TMEM127: variants seen among roughly 807,000 people sequenced by gnomAD.
TMEM127 encodes transmembrane protein 127.
TMEM127 carries 21 observed loss-of-function variants against 20.1 expected under a neutral mutation model. The observed-to-expected ratio is 1.04, with a 90% CI of 0.74 to 1.50. The LOEUF is 1.50. Ranked by LOEUF, TMEM127 falls within the 40% of genes most tolerant of loss-of-function variation. The pLI, the probability that TMEM127 is intolerant of heterozygous loss-of-function variation, is 0.00. For missense variants in TMEM127, 303 were observed against 317.4 expected (o/e 0.95, Z 0.34); for synonymous variants, 150 against 144.7 (o/e 1.04, Z -0.26).
At position 96,255,119 on chromosome 2, in the gene TMEM127, G is replaced by A. The variant is rs920504318; in HGVS notation, c.245-122C>T. 1.5e-5 allele frequency: 21 copies of A among 1,364,188 alleles called. No individual in the cohort carries two copies. In the Admixed American group the frequency reaches 2.0e-4, roughly 13 times the overall value. The allele number at this position is 1,364,188 out of a possible 1,614,324, so 84.5% of individuals were successfully genotyped here. A position where few individuals can be genotyped will look rare whatever the true frequency, so the allele number is the denominator to read the frequency against. On this transcript the variant is annotated intron_variant, in intron 2 of 3. Transcript: ENST00000258439. ...GGGAGCCAGGGCAGTTCTGGAGGAC[G>A]CTGTCTTAGCCCCTGCTCCTGGGTG...
chr2:96,258,595 G>A (rs1684255561), intron 2 of TMEM127, among the ~76,000 whole-genome samples: 1 of 152,150 alleles, frequency 6.6e-6, no homozygotes, highest in Non-Finnish European at 1.5e-5. Context: ...ATCCAGCCTG[G>A]GTAACTGTCT....
At chr2:96,257,868 T>C (rs539532051) in intron 2 of TMEM127, among the ~76,000 whole-genome samples, 5 of 151,972 alleles carry the variant, frequency 3.3e-5, no homozygotes, top group Admixed American at 6.5e-5. Context: ...TGAGCCAAGA[T>C]CACATCACTG....
rs1249001227 is a variant in TMEM127, at chr2:96,265,333, T to C, written c.49A>G (p.Ser17Gly). 9 of 1,516,882 alleles carry C rather than the reference T, an allele frequency of 5.9e-6. No individual in the cohort carries two copies. The Admixed American group carries it at 1.8e-4, about 31-fold the overall frequency. 94.0% of individuals were successfully genotyped at this position (1,516,882 alleles called of 1,614,324 possible). A position where few individuals can be genotyped will look rare whatever the true frequency, so the allele number is the denominator to read the frequency against. The stretch of plus-strand genomic sequence containing the variant: ...TTGGGCAGAGCGCTGCCTCCCGGGC[T>C]CCTCCGCCGGCGCCCGCCGGGCAGC... ...AGLPGGRRRR[S>G]PGGSALPKQP... Residue 17 changes from serine to glycine, a missense_variant, in exon 2 of 4, where the codon AGC becomes GGC. Coordinates refer to ENST00000258439, the MANE Select transcript of TMEM127 (RefSeq NM_017849.4).
chr2:96,252,850 C>T lies in TMEM127; in HGVS notation c.*958G>A, dbSNP rs1219982034. 2 of 233,804 alleles carry T rather than the reference C, an allele frequency of 8.6e-6. No homozygotes were observed. Among genetic ancestry groups the T allele is most frequent in the Non-Finnish European group, 1.7e-5 (2 of 118,318 alleles). 14.5% of individuals were successfully genotyped at this position (233,804 alleles called of 1,614,324 possible). A position where few individuals can be genotyped will look rare whatever the true frequency, so the allele number is the denominator to read the frequency against. Reference sequence around the variant, plus strand: ...CCACGAGAAGGCCCCAGGGAGTCACCGTCACTGAGAGGGAAGGGGCCAGGG... The same window carrying T: ...CCACGAGAAGGCCCCAGGGAGTCACTGTCACTGAGAGGGAAGGGGCCAGGG... On this transcript the variant is annotated 3_prime_UTR_variant, in exon 4 of 4. Transcript: ENST00000258439. This position sits in a 1 kb window ranked among gnomAD's most constrained non-coding sequence, Gnocchi z 4.2.
intron 2 of TMEM127, among the ~76,000 whole-genome samples, chr2:96,262,151 C>T (rs1684323093): frequency 6.6e-6 from 1 of 151,672 alleles, no homozygotes; most frequent in Admixed American, 6.6e-5. Flanking sequence ...TCCAACTACT[C>T]GTGAGGCTGA....
rs1485424649 is a variant in TMEM127, at chr2:96,253,883, C to A, written c.642G>T (p.Met214Ile). The A allele has an allele frequency of 1.9e-6, 3 of 1,614,018 alleles. No homozygotes were observed. The highest frequency in any genetic ancestry group is 2.7e-5 in the African/African-American group (2 of 74,906). ...CCGCCGGGTAGGGCTCGTTCTCTTC[C>A]ATCTCTGAGAGCAGCTCCAGCGCCT... ...EEQALELLSE[M>I]EENEPYPAEY... The change falls in exon 4 of 4, where the codon ATG (methionine) becomes ATT (isoleucine). Residue 214 changes from methionine to isoleucine, a missense_variant. Coordinates refer to ENST00000258439, the MANE Select transcript of TMEM127 (RefSeq NM_017849.4). This position sits in a 1 kb window ranked among gnomAD's most constrained non-coding sequence, Gnocchi z 4.3.
chr2:96,265,124 C>T lies in TMEM127; in HGVS notation c.244+14G>A. 1.2e-6 allele frequency: 2 copies of T among 1,612,072 alleles called. No homozygotes were observed. The highest frequency in any genetic ancestry group is 1.7e-6 in the Non-Finnish European group (2 of 1,179,750). On this transcript the variant is annotated intron_variant, in intron 2 of 3. Transcript: ENST00000258439. ...CCCACCGAGGCTTTAAGGGCCAGCG[C>T]GCAGCACCCTCACCTTTCAGCAGGT...
At position 96,251,139 on chromosome 2, in the gene TMEM127, T is replaced by C. The variant is rs2104275017; in HGVS notation, c.*2669A>G. ...GTTCTAGAAAGACCTAGAAACTTCC[T>C]GTGTGAAAACAGGATTAGGAAGCTC... is the stretch of plus-strand genomic sequence containing the variant. On this transcript the variant is annotated 3_prime_UTR_variant, in exon 4 of 4. Coordinates refer to ENST00000258439, the MANE Select transcript of TMEM127 (RefSeq NM_017849.4). The C allele has an allele frequency of 4.6e-6, 1 of 216,214 alleles. No individual in the cohort carries two copies. Among genetic ancestry groups the C allele is most frequent in the East Asian group, 6.8e-5 (1 of 14,646 alleles). 13.4% of individuals were successfully genotyped at this position (216,214 alleles called of 1,614,324 possible).
chr2:96,251,476 T>C lies in TMEM127; in HGVS notation c.*2332A>G. 2 of 217,186 alleles carry C rather than the reference T, an allele frequency of 9.2e-6. No individual in the cohort carries two copies. Among genetic ancestry groups the C allele is most frequent in the Non-Finnish European group, 1.9e-5 (2 of 107,872 alleles). 13.5% of individuals were successfully genotyped at this position (217,186 alleles called of 1,614,324 possible). On this transcript the variant is annotated 3_prime_UTR_variant, in exon 4 of 4. Coordinates refer to ENST00000258439, the MANE Select transcript of TMEM127 (RefSeq NM_017849.4). Reference sequence around the variant, plus strand: ...CAGAGGTTGCAGTGAGCTGAGATCATGCCACGTTACACTCCAGCCCGGGTG... The same window carrying C: ...CAGAGGTTGCAGTGAGCTGAGATCACGCCACGTTACACTCCAGCCCGGGTG...
At position 96,253,776 on chromosome 2, in the gene TMEM127, G is replaced by T. The variant is rs1573968900; in HGVS notation, c.*32C>A. On this transcript the variant is annotated 3_prime_UTR_variant, in exon 4 of 4. Transcript: ENST00000258439. The surrounding 1 kb of genome is among the most constrained non-coding windows in gnomAD (Gnocchi z 4.3). ...GAGAGGAGCTGCAGAGTTGAGGGAG[G>T]GGCTGCCGAGGAAGAGAGCCCAGGG... 1 of 1,587,668 alleles carries T rather than the reference G, an allele frequency of 6.3e-7. No individual in the cohort carries two copies. The highest frequency in any genetic ancestry group is 2.2e-5 in the East Asian group (1 of 44,462).
At chr2:96,261,964 G>A (rs1287984761) in intron 2 of TMEM127, among the ~76,000 whole-genome samples, 1 of 152,124 alleles carries the variant, frequency 6.6e-6, no homozygotes, top group Non-Finnish European at 1.5e-5. Flanking sequence ...TCTCCCTCTG[G>A]AAGTATCTAC....
intron 1 of TMEM127, 76 bp from the exon 2 acceptor site, chr2:96,265,588 G>C: frequency 5.4e-6 from 3 of 553,470 alleles, no homozygotes; most frequent in Non-Finnish European, 8.1e-6. Flanking sequence ...CGGGAATTCG[G>C]GGGGCGGAGA....
chr2:96,254,779 A>ATGC, intron 3 of TMEM127, 54 bp downstream of exon 3: 1 of 1,606,498 alleles, frequency 6.2e-7, no homozygotes, highest in Non-Finnish European at 8.5e-7. Flanking sequence ...CTCAGACAGG[A>ATGC]TGCCCCCACC....
chr2:96,251,323 G>A lies in TMEM127; in HGVS notation c.*2485C>T. On this transcript the variant is annotated 3_prime_UTR_variant, in exon 4 of 4. Coordinates refer to ENST00000258439, the MANE Select transcript of TMEM127 (RefSeq NM_017849.4). The stretch of plus-strand genomic sequence containing the variant: ...ACCTGAGGTTAGGAGTTCCAGACCA[G>A]CCTGGCCAACATGGTGAAACCCTGT... The A allele has an allele frequency of 5.1e-6, 1 of 195,710 alleles. No homozygotes were observed. Among genetic ancestry groups the A allele is most frequent in the Non-Finnish European group, 1.1e-5 (1 of 94,258 alleles). 12.1% of individuals were successfully genotyped at this position (195,710 alleles called of 1,614,324 possible).
intron 2 of TMEM127, among the ~76,000 whole-genome samples, chr2:96,264,791 C>A (rs1470763892): frequency 5.3e-5 from 8 of 152,184 alleles, no homozygotes; most frequent in Non-Finnish European, 1.0e-4. Flanking sequence ...AATCAGTCTG[C>A]CCCAAAGAAG....
chr2:96,248,600 G>A lies in TMEM127; in HGVS notation c.*5208C>T. 1 of 220,846 alleles carries A rather than the reference G, an allele frequency of 4.5e-6. No individual in the cohort carries two copies. Among genetic ancestry groups the A allele is most frequent in the East Asian group, 6.6e-5 (1 of 15,148 alleles). 13.7% of individuals were successfully genotyped at this position (220,846 alleles called of 1,614,324 possible). A position where few individuals can be genotyped will look rare whatever the true frequency, so the allele number is the denominator to read the frequency against. ...AAGGAAACTCTCCACCAATAGTGGTGGCACTAGACATATACTGAGAGACCC... is the reference window on the plus strand; with the variant it reads ...AAGGAAACTCTCCACCAATAGTGGTAGCACTAGACATATACTGAGAGACCC... On this transcript the variant is annotated 3_prime_UTR_variant, in exon 4 of 4. Transcript: ENST00000258439.
At chr2:96,254,721 G>A in intron 3 of TMEM127, 112 bp downstream of exon 3, 1 of 1,365,322 alleles carries the variant, frequency 7.3e-7, no homozygotes. Context: ...TGGCACATGA[G>A]CTCCTGGAAG....
rs1191653139 is a variant in TMEM127, at chr2:96,258,812, G to T, written c.245-3815C>A. Among the ~76,000 whole-genome samples, 3 of 152,184 alleles carry T rather than the reference G, an allele frequency of 2.0e-5. No homozygotes were observed. The East Asian group carries it at 5.8e-4, about 29-fold the overall frequency. On this transcript the variant is annotated intron_variant, in intron 2 of 3. Coordinates refer to ENST00000258439, the MANE Select transcript of TMEM127 (RefSeq NM_017849.4). ...CCACGTGGCATGTGGCAGGGATGGG[G>T]CAGTGTTCTTATAGTGCTTCCAAGA...
rs566328757 is a variant in TMEM127, at chr2:96,251,515, CTT to C, written c.*2291_*2292del. 216 of 226,810 alleles carry C rather than the reference CTT, an allele frequency of 9.5e-4. 1 individual carries two copies. The highest frequency in any genetic ancestry group is 1.1e-3 in the Non-Finnish European group (121 of 113,888). The allele number at this position is 226,810 out of a possible 1,614,324, so 14.0% of individuals were successfully genotyped here. On this transcript the variant is annotated 3_prime_UTR_variant, in exon 4 of 4. Coordinates refer to ENST00000258439, the MANE Select transcript of TMEM127 (RefSeq NM_017849.4). Reference sequence around the variant, plus strand: ...CCAGCCCGGGTGACAGAGCGAGACTCTTGTCTCAAAAACAAGAAAAAGAAAAA... The same window carrying C: ...CCAGCCCGGGTGACAGAGCGAGACTCGTCTCAAAAACAAGAAAAAGAAAAA...
Sources: gnomAD v4.1 joint callset for allele counts (sites outside exome capture counted in the v4.1 genomes callset) on GRCh38, gnomAD v4.1.1 for gene constraint, Gnocchi (gnomAD v3.1) non-coding constraint, MANE v1.5 for transcripts, NCBI Gene and HGNC (gene_info 2026-07-23, HGNC 2026-07-21) for gene names.